Variants in LHFPL3 observed in about 807,000 individuals in gnomAD.
LHFPL3 encodes LHFPL tetraspan subfamily member 3, also known as LHFPL tetraspan subfamily member 3 protein.
A neutral mutation model predicts 19.3 loss-of-function variants in LHFPL3; 5 were observed. The ratio of observed to expected loss-of-function variants is 0.26; its 90% CI spans 0.14 to 0.54. The LOEUF is 0.54. Ranked by LOEUF, LHFPL3 falls within the 20% of genes least tolerant of loss-of-function variation. The pLI is 0.94. For missense variants in LHFPL3, 249 were observed against 307.4 expected (o/e 0.81, Z 1.42); for synonymous variants, 133 against 126.2 (o/e 1.05, Z -0.36).
At chr7:104,461,073 C>T (rs1792653121) in intron 1 of LHFPL3, among the ~76,000 whole-genome samples, 1 of 152,198 alleles carries the variant, frequency 6.6e-6, no homozygotes, top group Non-Finnish European at 1.5e-5. Context: ...TTAATTGACT[C>T]ACAGTTTCAC....
chr7:104,515,068 C>T (rs572426362), intron 1 of LHFPL3, among the ~76,000 whole-genome samples: 221 of 152,210 alleles, frequency 1.5e-3, no homozygotes, highest in Middle Eastern at 3.4e-3. Flanking sequence ...GTTTGCCTGC[C>T]GTTTCTCCCC....
intron 1 of LHFPL3, among the ~76,000 whole-genome samples, chr7:104,491,252 T>C (rs2115692920): frequency 6.6e-6 from 1 of 152,246 alleles, no homozygotes; most frequent in South Asian, 2.1e-4. Flanking sequence ...CCCTACAGAA[T>C]ACACAACTGG....
intron 2 of LHFPL3, among the ~76,000 whole-genome samples, chr7:104,762,926 G>A (rs1021943801): frequency 6.6e-6 from 1 of 152,178 alleles, no homozygotes; most frequent in Non-Finnish European, 1.5e-5. Context: ...CCAAGGCTCT[G>A]CAGTCTGCCC....
chr7:104,375,813 C>T (rs1301562053), intron 1 of LHFPL3, among the ~76,000 whole-genome samples: 1 of 152,106 alleles, frequency 6.6e-6, no homozygotes, highest in East Asian at 1.9e-4. Flanking sequence ...CTTTATTTTC[C>T]AAAGAAGGCA....
chr7:104,369,008 AT>A (rs1241522803), intron 1 of LHFPL3, among the ~76,000 whole-genome samples: 17 of 152,216 alleles, frequency 1.1e-4, no homozygotes, highest in African/African-American at 4.1e-4. Flanking sequence ...GGGTTACATC[AT>A]TCAGGGTCTC....
chr7:104,491,059 C>T (rs1418429712), intron 1 of LHFPL3, among the ~76,000 whole-genome samples: 3 of 152,130 alleles, frequency 2.0e-5, no homozygotes, highest in African/African-American at 7.2e-5. Context: ...CCTAGAAGAT[C>T]CTGGTCTGGA....
intron 2 of LHFPL3, among the ~76,000 whole-genome samples, chr7:104,819,399 GCTGTCTCAATTAC>G (rs1790634215): frequency 6.8e-6 from 1 of 146,350 alleles, no homozygotes; most frequent in African/African-American, 2.5e-5. Flanking sequence ...AAAAAAACCT[GCTGTCTCAATTAC>G]TTACCTTCAT....
chr7:104,808,130 T>A (rs1790401421), intron 2 of LHFPL3, among the ~76,000 whole-genome samples: 1 of 152,200 alleles, frequency 6.6e-6, no homozygotes, highest in South Asian at 2.1e-4. Context: ...AGCCACACTC[T>A]TCCTCTGATC....
rs75757065 is a variant in LHFPL3 at position 104,897,644 on chromosome 7, G to A, written c.683-8543G>A. Among the ~76,000 whole-genome samples the A allele has an allele frequency of 8.6e-3, 1,310 of 152,248 alleles. 17 individuals are homozygous for A. Among genetic ancestry groups the A allele is most frequent in the Non-Finnish European group, 0.011 (757 of 68,026 alleles). ...ATCACTGAAACTTACAGAGTATTTAGAAGAAAGGGGAACATCACTTGGGTT... is the reference window on the plus strand; with the variant it reads ...ATCACTGAAACTTACAGAGTATTTAAAAGAAAGGGGAACATCACTTGGGTT... On this transcript the variant is annotated intron_variant, in intron 2 of 2. Coordinates refer to ENST00000424859, the MANE Select transcript of LHFPL3 (RefSeq NM_199000.3).
chr7:104,562,172 C>G (rs1381096857), intron 1 of LHFPL3, among the ~76,000 whole-genome samples: 2 of 151,790 alleles, frequency 1.3e-5, no homozygotes, highest in South Asian at 4.2e-4. Context: ...TGGAGTTGCT[C>G]TTCTCGAGGA....
At chr7:104,513,564 G>T (rs1793862703) in intron 1 of LHFPL3, among the ~76,000 whole-genome samples, 1 of 152,158 alleles carries the variant, frequency 6.6e-6, no homozygotes. Flanking sequence ...ATAACATAGG[G>T]GAGATCCCCA....
At chr7:104,717,425 C>T (rs549333043) in intron 1 of LHFPL3, among the ~76,000 whole-genome samples, 5 of 152,002 alleles carry the variant, frequency 3.3e-5, no homozygotes, top group African/African-American at 1.2e-4. Flanking sequence ...CGGTTAATTT[C>T]CAAAATATGT....
At chr7:104,333,323 G>A (rs1026195023) in intron 1 of LHFPL3, among the ~76,000 whole-genome samples, 4 of 152,082 alleles carry the variant, frequency 2.6e-5, no homozygotes, top group African/African-American at 7.2e-5. Context: ...TGTAGACATC[G>A]GTCATGCATT....
chr7:104,432,778 T>C (rs1489803398), intron 1 of LHFPL3, among the ~76,000 whole-genome samples: 1 of 151,984 alleles, frequency 6.6e-6, no homozygotes, highest in Admixed American at 6.6e-5. Context: ...CTCTCCCCCA[T>C]ATCCCACCCC....
chr7:104,363,026 C>A (rs1218335637), intron 1 of LHFPL3, among the ~76,000 whole-genome samples: 1 of 152,260 alleles, frequency 6.6e-6, no homozygotes, highest in Non-Finnish European at 1.5e-5. Flanking sequence ...GGTTAGGAAT[C>A]TTGTAGCCTC....
intron 1 of LHFPL3, among the ~76,000 whole-genome samples, chr7:104,410,423 G>T (rs532101589): frequency 2.0e-5 from 3 of 152,310 alleles, no homozygotes; most frequent in Admixed American, 6.5e-5. Flanking sequence ...ATGAGCCGCT[G>T]CACCCGGCCT....
At chr7:104,487,781 A>G (rs537229313) in intron 1 of LHFPL3, among the ~76,000 whole-genome samples, 2 of 152,224 alleles carry the variant, frequency 1.3e-5, no homozygotes, top group East Asian at 1.9e-4. Context: ...TTTCTGTTTT[A>G]TGGTCTTCCT....
intron 1 of LHFPL3, among the ~76,000 whole-genome samples, chr7:104,428,085 C>T (rs1791883227): frequency 6.6e-6 from 1 of 152,166 alleles, no homozygotes; most frequent in Admixed American, 6.5e-5. Flanking sequence ...ACCTTGCTCA[C>T]TTAGTTTTTA....
chr7:104,886,594 A>C (rs1248072394), intron 2 of LHFPL3, among the ~76,000 whole-genome samples: 1 of 152,220 alleles, frequency 6.6e-6, no homozygotes, highest in East Asian at 1.9e-4. Flanking sequence ...CGAACTCCTG[A>C]CCTCAGGTGA....
Sources: allele counts gnomAD v4.1 joint callset (sites outside exome capture counted in the v4.1 genomes callset), GRCh38; gene constraint gnomAD v4.1.1; transcripts MANE v1.5; gene names NCBI Gene and HGNC (gene_info 2026-07-23, HGNC 2026-07-21).